GPD2: variants seen among roughly 807,000 people sequenced by gnomAD.
GPD2 encodes the protein glycerol-3-phosphate dehydrogenase 2, also known as glycerol-3-phosphate dehydrogenase, mitochondrial.
Under a neutral mutation model 82.4 loss-of-function variants are expected in GPD2, and 54 were observed. The observed-to-expected ratio is 0.66, with a 90% CI of 0.53 to 0.82. The LOEUF (loss-of-function observed/expected upper bound fraction) is 0.82. GPD2 is among the 40% of genes least tolerant of loss of function. The probability of loss-of-function intolerance (pLI) is 0.00; values close to 1 mark genes in which losing one functional copy is unlikely to be tolerated. For missense variants in GPD2, 748 were observed against 896.2 expected (o/e 0.83, Z 2.11); for synonymous variants, 288 against 306.1 (o/e 0.94, Z 0.62).
intron 6 of GPD2, among the ~76,000 whole-genome samples, chr2:156,535,437 GGA>G (rs34554584): frequency 1.1e-4 from 9 of 80,328 alleles, no homozygotes; most frequent in African/African-American, 1.5e-4. Context: ...AGGGGGGTGG[GGA>G]GAGAGAGAGA....
At chr2:156,515,251 A>G (rs1300942900) in intron 6 of GPD2, among the ~76,000 whole-genome samples, 1 of 152,026 alleles carries the variant, frequency 6.6e-6, no homozygotes, top group Non-Finnish European at 1.5e-5. Context: ...AAATACAAGA[A>G]ATTAGCCAGG....
At chr2:156,511,009 A>C (rs1379628643) in intron 4 of GPD2, 89 bp downstream of exon 4, 12 of 1,102,534 alleles carry the variant, frequency 1.1e-5, no homozygotes, top group Middle Eastern at 2.1e-4. Context: ...TTAATGGCTT[A>C]AAAGCATTTC....
the GPD2 span, among the ~76,000 whole-genome samples, chr2:156,411,057 A>G: frequency 6.6e-6 from 1 of 152,248 alleles, no homozygotes; most frequent in African/African-American, 2.4e-5. Context: ...AATACTACAT[A>G]TAGTGTTTAT....
At chr2:156,550,523 A>G in intron 7 of GPD2, 79 bp from the exon 8 acceptor site, 1 of 1,400,296 alleles carries the variant, frequency 7.1e-7, no homozygotes, top group Non-Finnish European at 1.0e-6. Flanking sequence ...GGTTAAGTTA[A>G]TAGATGAATT....
intron 8 of GPD2, among the ~76,000 whole-genome samples, chr2:156,552,181 A>G (rs1312763596): frequency 6.6e-6 from 1 of 152,214 alleles, no homozygotes; most frequent in Non-Finnish European, 1.5e-5. Context: ...TTGCGTTTTC[A>G]AAATGCGTAT....
chr2:156,479,859 A>G (rs1477953990), intron 2 of GPD2, among the ~76,000 whole-genome samples: 2 of 151,980 alleles, frequency 1.3e-5, no homozygotes, highest in African/African-American at 4.8e-5. Flanking sequence ...GACAGTTTCC[A>G]CAAAGGGAGC....
chr2:156,401,162 T>TA, the GPD2 span, among the ~76,000 whole-genome samples: 1 of 152,184 alleles, frequency 6.6e-6, no homozygotes, highest in Non-Finnish European at 1.5e-5. Flanking sequence ...TGGCCGGGAA[T>TA]CGAACCCGGG....
At chr2:156,563,875 T>G (rs533291226) in intron 9 of GPD2, among the ~76,000 whole-genome samples, 26 of 152,254 alleles carry the variant, frequency 1.7e-4, no homozygotes, top group Admixed American at 1.6e-3. Flanking sequence ...TTAAATTAGT[T>G]ACAATTAACT....
the GPD2 span, among the ~76,000 whole-genome samples, chr2:156,418,402 A>AAG: frequency 0.19 from 28,536 of 151,748 alleles, 3,172 homozygotes; most frequent in Non-Finnish European, 0.24. Flanking sequence ...AAAAAGAAAA[A>AAG]AGAGAGAGAG....
chr2:156,402,200 T>TG, the GPD2 span, among the ~76,000 whole-genome samples: 1 of 152,226 alleles, frequency 6.6e-6, no homozygotes, highest in Non-Finnish European at 1.5e-5. Context: ...AATAGGTCAC[T>TG]GTGTATTGAA....
At chr2:156,418,258 G>A in the GPD2 span, among the ~76,000 whole-genome samples, 44 of 151,908 alleles carry the variant, frequency 2.9e-4, no homozygotes, top group African/African-American at 1.0e-3. Context: ...GCCGGACGTG[G>A]TGGTGGGCAC....
the GPD2 span, among the ~76,000 whole-genome samples, chr2:156,408,743 G>A: frequency 6.6e-6 from 1 of 150,576 alleles, no homozygotes; most frequent in African/African-American, 2.4e-5. Context: ...AGACAAGAAA[G>A]GCAAATGCAG....
At chr2:156,538,347 C>T (rs1686158929) in intron 6 of GPD2, among the ~76,000 whole-genome samples, 1 of 152,088 alleles carries the variant, frequency 6.6e-6, no homozygotes, top group African/African-American at 2.4e-5. Context: ...ACATGCCATA[C>T]ATTGTTGTCC....
intron 6 of GPD2, among the ~76,000 whole-genome samples, chr2:156,518,201 A>G (rs1186287814): frequency 6.6e-6 from 1 of 152,228 alleles, no homozygotes; most frequent in African/African-American, 2.4e-5. Context: ...GAGCAAAGCC[A>G]ATTTAATCTC....
chr2:156,550,778 CAA>C (rs780401021), intron 8 of GPD2, 32 bp downstream of exon 8: 50 of 1,584,902 alleles, frequency 3.2e-5, no homozygotes, highest in Middle Eastern at 1.7e-4. Context: ...AGTTGTCACC[CAA>C]AAAAGAGGGT....
intron 6 of GPD2, among the ~76,000 whole-genome samples, chr2:156,518,796 A>G (rs554999756): frequency 6.6e-6 from 1 of 152,366 alleles, no homozygotes; most frequent in Non-Finnish European, 1.5e-5. Flanking sequence ...GGTGTTACCT[A>G]CTTTAAATCA....
intron 1 of GPD2, among the ~76,000 whole-genome samples, chr2:156,453,421 A>C (rs1225589393): frequency 6.6e-6 from 1 of 152,230 alleles, no homozygotes; most frequent in African/African-American, 2.4e-5. Context: ...ACAGTAGATA[A>C]ACTGAAGAAA....
At chr2:156,552,261 A>G (rs558455300) in intron 8 of GPD2, among the ~76,000 whole-genome samples, 2 of 152,354 alleles carry the variant, frequency 1.3e-5, no homozygotes, top group East Asian at 3.9e-4. Context: ...TTAAGGCACC[A>G]CTGCATAAGA....
In GPD2 at chr2:156,549,713, C is replaced by G. The variant is rs368542899; in HGVS notation, c.767C>G (p.Thr256Arg). 38 of 1,613,896 alleles carry G rather than the reference C, an allele frequency of 2.4e-5. No individual in the cohort carries two copies. Among genetic ancestry groups the G allele is most frequent in the Non-Finnish European group, 3.2e-5 (38 of 1,179,854 alleles). ...YMEVVSLLKK[T>R]DPQTGKVRVS... ...GAGGTAGTGAGCTTGCTCAAGAAGA[C>G]AGACCCCCAGACAGGGAAAGTGCGT... The change falls in exon 7 of 17, where the codon ACA (threonine) becomes AGA (arginine). Residue 256 changes from threonine (T) to arginine (R), a missense_variant. Physicochemically the swap from Thr to Arg is moderately conservative, Grantham distance 71. This residue lies in a region of GPD2 where 692 missense variants were observed against 809.7 expected (regional missense o/e 0.85). Transcript: ENST00000438166.
Sources: gnomAD v4.1 joint callset for allele counts (sites outside exome capture counted in the v4.1 genomes callset) on GRCh38, gnomAD v4.1.1 for gene constraint, gnomAD v4.1.1 regional missense constraint, MANE v1.5 for transcripts, NCBI Gene and HGNC (gene_info 2026-07-23, HGNC 2026-07-21) for gene names.